FGFR1: variants seen among roughly 807,000 people sequenced by gnomAD.
FGFR1 encodes the protein fibroblast growth factor receptor 1.
Under a neutral mutation model 93.7 loss-of-function variants are expected in FGFR1, and 18 were observed. That is an observed-to-expected ratio of 0.19 (90% CI 0.13 to 0.28). The LOEUF (loss-of-function observed/expected upper bound fraction) is 0.28, where lower values mean the gene tolerates loss of function less well. Among genes scored for constraint, FGFR1 ranks in the 10% least tolerant of loss-of-function variants. FGFR1 has a pLI of 1.00. For synonymous variants in FGFR1, 448 were observed against 429.3 expected (o/e 1.04, Z -0.54); for missense variants, 731 against 1,080.4 (o/e 0.68, Z 4.53).
Position 38,414,909 on chromosome 8 carries a change from A to G in FGFR1, c.1855-8T>C, listed in dbSNP as rs748049385. On this transcript the variant is annotated splice_region_variant and splice_polypyrimidine_tract_variant and intron_variant, in intron 13 of 17. Coordinates refer to ENST00000447712, the MANE Select transcript of FGFR1 (RefSeq NM_023110.3). The stretch of plus-strand genomic sequence containing the variant: ...CAGGTCTCGGTGTATGCACTGAGGA[A>G]GGAGGAAGGGAGAGCGGGAGGCGGG... 6.5e-5 allele frequency: 105 copies of G among 1,611,738 alleles called. No homozygotes were observed. Among genetic ancestry groups the G allele is most frequent in the Non-Finnish European group, 8.8e-5 (104 of 1,179,242 alleles).
At chr8:38,427,731 C>T (rs922116364) in intron 5 of FGFR1, among the ~76,000 whole-genome samples, 190 bp downstream of exon 5, 1 of 152,066 alleles carries the variant, frequency 6.6e-6, no homozygotes, top group African/African-American at 2.4e-5. Flanking sequence ...TATGTAAAAA[C>T]CATATTACAG....
chr8:38,442,376 T>TGCGTGTGTGTGTGTGTGC (rs1375308913), intron 2 of FGFR1, among the ~76,000 whole-genome samples: 1 of 151,658 alleles, frequency 6.6e-6, no homozygotes, highest in Non-Finnish European at 1.5e-5. Flanking sequence ...TGTGTGTGTG[T>TGCGTGTGTGTGTGTGTGC]GTGTGTGTGT....
At chr8:38,434,630 A>C (rs902293815) in intron 2 of FGFR1, 2 of 220,018 alleles carry the variant, frequency 9.1e-6, no homozygotes, top group Admixed American at 9.3e-5. Flanking sequence ...CTCTGAATCA[A>C]GTCAGCACAC....
intron 2 of FGFR1, among the ~76,000 whole-genome samples, chr8:38,448,278 A>ATTT (rs200939148): frequency 0.015 from 2,073 of 136,328 alleles, 23 homozygotes; most frequent in Non-Finnish European, 0.025. Context: ...CAAAACACCA[A>ATTT]TTTTTTTTTT....
intron 2 of FGFR1, among the ~76,000 whole-genome samples, chr8:38,440,642 C>G (rs900581916): frequency 1.3e-5 from 2 of 151,594 alleles, no homozygotes; most frequent in Non-Finnish European, 2.9e-5. Context: ...TGCAAATGGG[C>G]CACTGCCAGA....
At chr8:38,451,233 T>C (rs1830967662) in intron 2 of FGFR1, among the ~76,000 whole-genome samples, 1 of 151,954 alleles carries the variant, frequency 6.6e-6, no homozygotes. Flanking sequence ...TCATAAGAAA[T>C]CATGCTGGAG....
intron 2 of FGFR1, chr8:38,434,435 G>C: frequency 2.6e-6 from 1 of 389,478 alleles, no homozygotes; most frequent in South Asian, 2.9e-5. Context: ...CAACACTGAT[G>C]GAAGTCAACT....
At position 38,427,925 on chromosome 8, in the gene FGFR1, T is replaced by C. The variant is rs2150909519; in HGVS notation, c.617A>G (p.Tyr206Cys). Reference sequence around the variant, plus strand: ...TTCGCATGCACACACACGTACCTTGTAGCCTCCAATTCTGTGGTCAGGTTT... The same window carrying C: ...TTCGCATGCACACACACGTACCTTGCAGCCTCCAATTCTGTGGTCAGGTTT... Reference protein sequence around the residue: ...EFKPDHRIGGYKVRYATWSII... With the variant: ...EFKPDHRIGGCKVRYATWSII... The change falls in exon 5 of 18, where the codon TAC becomes TGC. Residue 206 changes from tyrosine to cysteine, a missense_variant. Physicochemically the swap from Tyr to Cys is radical, Grantham distance 194. This residue lies in a region of FGFR1 where 109 missense variants were observed against 249.4 expected (regional missense o/e 0.44). Coordinates refer to ENST00000447712, the MANE Select transcript of FGFR1 (RefSeq NM_023110.3). 1 of 1,614,290 alleles carries C rather than the reference T, an allele frequency of 6.2e-7. No individual in the cohort carries two copies. Among genetic ancestry groups the C allele is most frequent in the Non-Finnish European group, 8.5e-7 (1 of 1,180,052 alleles).
chr8:38,414,241 G>T lies in FGFR1; in HGVS notation c.2097C>A (p.Ser699=). The part of the protein sequence containing the change: ...LLWEIFTLGG[S]PYPGVPVEEL... Reference sequence around the variant, plus strand: ...CCTCCACAGGCACACCGGGGTATGGGGAGCCGCCCAGAGTGAAGATCTCCC... The same window carrying T: ...CCTCCACAGGCACACCGGGGTATGGTGAGCCGCCCAGAGTGAAGATCTCCC... Residue 699 remains serine, a synonymous_variant, in exon 16 of 18, where the codon TCC becomes TCA. Transcript: ENST00000447712. The T allele has an allele frequency of 6.2e-7, 1 of 1,614,180 alleles. No individual in the cohort carries two copies. Among genetic ancestry groups the T allele is most frequent in the Admixed American group, 1.7e-5 (1 of 60,012 alleles).
intron 2 of FGFR1, among the ~76,000 whole-genome samples, chr8:38,448,265 T>A (rs1829978145): frequency 6.6e-6 from 1 of 151,416 alleles, no homozygotes. Context: ...CCAGATTATC[T>A]AACAAAACAC....
chr8:38,413,600 G>C lies in FGFR1; in HGVS notation c.*28C>G, dbSNP rs2150502172. ...TGGGTGAGGGTTACAGCTGACGGTG[G>C]AGTCTGGGGAGGGCGTGTGGGTGGC... is the stretch of plus-strand genomic sequence containing the variant. On this transcript the variant is annotated 3_prime_UTR_variant, in exon 18 of 18. Coordinates refer to ENST00000447712, the MANE Select transcript of FGFR1 (RefSeq NM_023110.3). The surrounding 1 kb of genome is among the most constrained non-coding windows in gnomAD (Gnocchi z 4.2). 1.3e-6 allele frequency: 2 copies of C among 1,588,532 alleles called. No individual in the cohort carries two copies. The highest frequency in any genetic ancestry group is 4.5e-5 in the East Asian group (2 of 44,112).
chr8:38,416,448 A>ATTTTT (rs57944426), intron 12 of FGFR1, among the ~76,000 whole-genome samples: 9 of 80,932 alleles, frequency 1.1e-4, no homozygotes, highest in Non-Finnish European at 1.3e-4. Context: ...TGCCTGGCTA[A>ATTTTT]TTTTTTTTTT....
In FGFR1 at chr8:38,465,453, G is replaced by A. The variant is rs535589295; in HGVS notation, c.-89+2528C>T. 389 of 231,816 alleles carry A rather than the reference G, an allele frequency of 1.7e-3. 2 individuals are homozygous for A. The highest frequency in any genetic ancestry group is 3.1e-3 in the South Asian group (17 of 5,514). 14.4% of individuals were successfully genotyped at this position (231,816 alleles called of 1,614,324 possible). A position where few individuals can be genotyped will look rare whatever the true frequency, so the allele number is the denominator to read the frequency against. ...GTAAATGCAACAGATATTTCAAGCA[G>A]CTCGTCACTGATGCAGTTCATAACC... On this transcript the variant is annotated intron_variant, in intron 1 of 17. Transcript: ENST00000447712.
Position 38,417,222 on chromosome 8 carries a change from T to C in FGFR1, c.1663+84A>G, listed in dbSNP as rs923929330. On this transcript the variant is annotated intron_variant, in intron 12 of 17. Coordinates refer to ENST00000447712, the MANE Select transcript of FGFR1 (RefSeq NM_023110.3). ...CTCTCTTAACCCCCTTCCCTAGCTG[T>C]GGCTGAGAGAGGCCTTGGGACTGAT... The C allele has an allele frequency of 4.8e-5, 50 of 1,047,628 alleles. No homozygotes were observed. The African/African-American group carries it at 5.3e-4, about 11-fold the overall frequency. 64.9% of individuals were successfully genotyped at this position (1,047,628 alleles called of 1,614,324 possible).
intron 2 of FGFR1, among the ~76,000 whole-genome samples, chr8:38,456,757 G>A (rs1832950160): frequency 6.6e-6 from 1 of 152,016 alleles, no homozygotes; most frequent in African/African-American, 2.4e-5. Flanking sequence ...TTTTTGTAGA[G>A]ATGGGGTCTC....
chr8:38,466,084 C>A, intron 1 of FGFR1: 1 of 231,368 alleles, frequency 4.3e-6, no homozygotes, highest in Non-Finnish European at 8.6e-6. Flanking sequence ...TATTACCAAA[C>A]ACAACTCGAA....
In FGFR1 at chr8:38,413,418, CTT is replaced by C. The variant is rs1016232929; in HGVS notation, c.*208_*209del. The C allele has an allele frequency of 1.7e-6, 1 of 594,354 alleles. No individual in the cohort carries two copies. The highest frequency in any genetic ancestry group is 1.9e-5 in the African/African-American group (1 of 53,770). The allele number at this position is 594,354 out of a possible 1,614,324, so 36.8% of individuals were successfully genotyped here. A position where few individuals can be genotyped will look rare whatever the true frequency, so the allele number is the denominator to read the frequency against. ...AGTGGCTGGCAGCAAAGATCTGCCT[CTT>C]TGCACCTCTCACCAGCAGGTGGAGA... is the stretch of plus-strand genomic sequence containing the variant. On this transcript the variant is annotated 3_prime_UTR_variant, in exon 18 of 18. Transcript: ENST00000447712. This position sits in a 1 kb window ranked among gnomAD's most constrained non-coding sequence, Gnocchi z 4.2.
Position 38,468,548 on chromosome 8 carries a change from G to A in FGFR1, c.-656C>T, listed in dbSNP as rs1452455467. On this transcript the variant is annotated 5_prime_UTR_variant, in exon 1 of 18. Coordinates refer to ENST00000447712, the MANE Select transcript of FGFR1 (RefSeq NM_023110.3). ...CACCCGGGTTCCTCCGCGCGCTGCGGCTGCACCGGCGTCCCGGCTCCCGCT... is the reference window on the plus strand; with the variant it reads ...CACCCGGGTTCCTCCGCGCGCTGCGACTGCACCGGCGTCCCGGCTCCCGCT... 3 of 228,760 alleles carry A rather than the reference G, an allele frequency of 1.3e-5. No individual in the cohort carries two copies. The highest frequency in any genetic ancestry group is 2.2e-5 in the African/African-American group (1 of 45,168). The allele number at this position is 228,760 out of a possible 1,614,324, so 14.2% of individuals were successfully genotyped here.
At chr8:38,462,428 C>T (rs1475932840) in intron 1 of FGFR1, among the ~76,000 whole-genome samples, 1 of 151,654 alleles carries the variant, frequency 6.6e-6, no homozygotes, top group Non-Finnish European at 1.5e-5. Flanking sequence ...TGCTTGAACC[C>T]GGGAGGCAGA....
Sources: allele counts gnomAD v4.1 joint callset (sites outside exome capture counted in the v4.1 genomes callset), GRCh38; gene constraint gnomAD v4.1.1; regional missense constraint gnomAD v4.1.1; non-coding constraint Gnocchi (gnomAD v3.1); transcripts MANE v1.5; gene names NCBI Gene and HGNC (gene_info 2026-07-23, HGNC 2026-07-21).